Variants in OPHN1 observed in about 807,000 individuals in gnomAD.
OPHN1 encodes oligophrenin 1, also known as oligophrenin-1.
A neutral mutation model predicts 60.7 loss-of-function variants in OPHN1; 11 were observed. That is an observed-to-expected ratio of 0.18 (90% CI 0.11 to 0.30). OPHN1 has a LOEUF of 0.30. Among genes scored for constraint, OPHN1 ranks in the 10% least tolerant of loss-of-function variants. The pLI, the probability that OPHN1 is intolerant of heterozygous loss-of-function variation, is 1.00. For synonymous variants in OPHN1, 226 were observed against 222.6 expected (o/e 1.02, Z -0.14); for missense variants, 449 against 611.0 (o/e 0.73, Z 2.80).
chrX:68,131,280 G>A (rs1251658615), intron 15 of OPHN1, among the ~76,000 whole-genome samples: 1 of 109,326 alleles, frequency 9.1e-6, no homozygotes, highest in East Asian at 2.8e-4. Flanking sequence ...GTGCAGTGGT[G>A]CAATCTCGGC....
chrX:68,395,266 T>G (rs1352474630), intron 2 of OPHN1, among the ~76,000 whole-genome samples: 1 of 108,418 alleles, frequency 9.2e-6, no homozygotes, highest in Non-Finnish European at 1.9e-5. Flanking sequence ...CTTGTTTTTT[T>G]GTTTTTGTTT....
chrX:68,139,845 G>GT (rs924090498), intron 15 of OPHN1, among the ~76,000 whole-genome samples: 3 of 112,121 alleles, frequency 2.7e-5, no homozygotes, highest in African/African-American at 9.7e-5. Flanking sequence ...AAGAAAACAG[G>GT]TAGGGGACTA....
intron 2 of OPHN1, among the ~76,000 whole-genome samples, chrX:68,341,390 A>G (rs2078350853): frequency 9.0e-6 from 1 of 111,334 alleles, no homozygotes; most frequent in East Asian, 2.8e-4. Flanking sequence ...TCCTATAAAC[A>G]TATAGGAAAC....
At chrX:68,176,351 A>C (rs2077414110) in intron 15 of OPHN1, among the ~76,000 whole-genome samples, 1 of 111,722 alleles carries the variant, frequency 9.0e-6, no homozygotes, top group Non-Finnish European at 1.9e-5. Flanking sequence ...AAAATAAACA[A>C]ACTGATTCTA....
At chrX:68,158,766 C>T (rs182415523) in intron 15 of OPHN1, among the ~76,000 whole-genome samples, 168 of 111,821 alleles carry the variant, frequency 1.5e-3, no homozygotes, top group African/African-American at 5.1e-3. Context: ...TGGAATTTTT[C>T]ATCCTACCCT....
chrX:68,310,436 GAA>G (rs764572311), intron 2 of OPHN1, among the ~76,000 whole-genome samples: 1 of 105,453 alleles, frequency 9.5e-6, no homozygotes, highest in African/African-American at 3.4e-5. Flanking sequence ...CTAAGAAGAG[GAA>G]AAAAAAAATG....
chrX:68,269,646 C>T (rs1602286424), intron 5 of OPHN1, among the ~76,000 whole-genome samples: 1 of 111,661 alleles, frequency 9.0e-6, no homozygotes, highest in Non-Finnish European at 1.9e-5. Context: ...TAGAAGAAAA[C>T]TCAGGCAATA....
chrX:68,317,364 AAAGAAAGAAAGAAAGG>A (rs1326795275), intron 2 of OPHN1, among the ~76,000 whole-genome samples: 5 of 66,951 alleles, frequency 7.5e-5, no homozygotes, highest in African/African-American at 3.8e-4. Flanking sequence ...AGAAAGAAAG[AAAGAAAGAAAGAAAGG>A]AAGGAAGGAA....
chrX:68,071,917 G>T, intron 20 of OPHN1: 1 of 274,053 alleles, frequency 3.6e-6, no homozygotes, highest in Non-Finnish European at 6.6e-6. Context: ...CAAGGAAGAA[G>T]GCAAGCAATG....
Position 68,368,395 on chromosome X carries a change from A to C in OPHN1, c.154+64472T>G, listed in dbSNP as rs182332949. ...ATAATAAAAACAAAAAACAAATATTAGCTGGACATGGTGTTGTGCACCCGT... is the reference window on the plus strand; with the variant it reads ...ATAATAAAAACAAAAAACAAATATTCGCTGGACATGGTGTTGTGCACCCGT... On this transcript the variant is annotated intron_variant, in intron 2 of 24. Coordinates refer to ENST00000355520, the MANE Select transcript of OPHN1 (RefSeq NM_002547.3). 6.2e-4 allele frequency among the ~76,000 whole-genome samples: 69 copies of C among 111,175 alleles called. 1 individual carries two copies. The East Asian group carries it at 0.014, about 22-fold the overall frequency.
At chrX:68,112,319 T>C (rs1569215571) in intron 17 of OPHN1, 1 of 148,540 alleles carries the variant, frequency 6.7e-6, no homozygotes, top group Non-Finnish European at 1.3e-5. Flanking sequence ...AAGAGAAGGA[T>C]GAGAAGAGAA....
chrX:68,327,898 C>T (rs1358057411), intron 2 of OPHN1, among the ~76,000 whole-genome samples: 1 of 102,978 alleles, frequency 9.7e-6, no homozygotes, highest in African/African-American at 3.7e-5. Context: ...GGCGCAATCT[C>T]GGCTCACTGC....
At chrX:68,336,691 T>C (rs1485720639) in intron 2 of OPHN1, among the ~76,000 whole-genome samples, 2 of 110,693 alleles carry the variant, frequency 1.8e-5, no homozygotes, top group Admixed American at 9.8e-5. Context: ...TGTGTGTGTG[T>C]GTGTGTATTT....
intron 15 of OPHN1, among the ~76,000 whole-genome samples, chrX:68,125,450 T>C (rs1376603387): frequency 9.0e-6 from 1 of 110,824 alleles, no homozygotes; most frequent in Admixed American, 9.6e-5. Context: ...CAGATTAAGA[T>C]AAAAAGAGAG....
At chrX:68,184,320 G>T (rs1018356913) in intron 15 of OPHN1, among the ~76,000 whole-genome samples, 2 of 111,186 alleles carry the variant, frequency 1.8e-5, no homozygotes, top group Admixed American at 1.9e-4. Flanking sequence ...TCAAGAGTTC[G>T]AGACCAGCCT....
At chrX:68,064,331 A>G (rs1030597958) in intron 20 of OPHN1, among the ~76,000 whole-genome samples, 154 bp from the exon 21 acceptor site, 2 of 111,856 alleles carry the variant, frequency 1.8e-5, no homozygotes, top group Non-Finnish European at 3.8e-5. Flanking sequence ...CCACAAAATC[A>G]TTCTCTACCC....
At chrX:68,264,291 A>C (rs1177390784) in intron 5 of OPHN1, among the ~76,000 whole-genome samples, 4 of 111,789 alleles carry the variant, frequency 3.6e-5, no homozygotes, top group Non-Finnish European at 7.5e-5. Flanking sequence ...CTGCACAGCA[A>C]AAGGACCTAT....
chrX:68,267,039 A>T (rs901969387), intron 5 of OPHN1, among the ~76,000 whole-genome samples: 1 of 111,698 alleles, frequency 9.0e-6, no homozygotes, highest in East Asian at 2.8e-4. Context: ...AAGTCCTTAG[A>T]GATCGAGAAA....
intron 2 of OPHN1, among the ~76,000 whole-genome samples, chrX:68,337,875 C>A (rs755543937): frequency 5.7e-5 from 6 of 105,995 alleles, no homozygotes; most frequent in African/African-American, 2.0e-4. Context: ...GAAGATATAA[C>A]AATTATAAAC....
Sources: allele counts gnomAD v4.1 joint callset (sites outside exome capture counted in the v4.1 genomes callset), GRCh38; gene constraint gnomAD v4.1.1; transcripts MANE v1.5; gene names NCBI Gene and HGNC (gene_info 2026-07-23, HGNC 2026-07-21).